The following NPEPL1 variants were observed in gnomAD, a reference collection of about 807,000 sequenced individuals.
NPEPL1 encodes aminopeptidase like 1.
NPEPL1 carries 45 observed loss-of-function variants against 52.4 expected under a neutral mutation model. The ratio of observed to expected loss-of-function variants is 0.86; its 90% CI spans 0.68 to 1.10. The LOEUF (loss-of-function observed/expected upper bound fraction) is 1.10, where lower values mean the gene tolerates loss of function less well. Ranked by LOEUF, NPEPL1 falls within the 50% of genes least tolerant of loss-of-function variation. The pLI is 0.00. For synonymous variants in NPEPL1, 360 were observed against 314.7 expected (o/e 1.14, Z -1.52); for missense variants, 696 against 710.9 (o/e 0.98, Z 0.24).
chr20:58,697,670 G>A (rs1461471500), intron 3 of NPEPL1, among the ~76,000 whole-genome samples: 5 of 152,242 alleles, frequency 3.3e-5, no homozygotes, highest in African/African-American at 7.2e-5. Context: ...GTGAGCAAGG[G>A]AGGCCGTGCA....
Position 58,714,059 on chromosome 20 carries a change from C to T in NPEPL1, c.1268C>T (p.Thr423Ile), listed in dbSNP as rs1351837183. ...YCPELHFSEF[T>I]SAVADMKNSV... ...CCCGAGCTGCACTTCAGCGAGTTCA[C>T]CTCAGCTGTGGCGGACATGAAGAAC... Residue 423 changes from threonine (T) to isoleucine (I), a missense_variant, in exon 10 of 12, where the codon ACC becomes ATC. By Grantham distance (89) the Thr-to-Ile change is moderately conservative. Transcript: ENST00000356091. 6.5e-7 allele frequency: 1 copy of T among 1,547,126 alleles called. No individual in the cohort carries two copies.
intron 7 of NPEPL1, among the ~76,000 whole-genome samples, chr20:58,707,950 C>T (rs376574280): frequency 1.2e-4 from 18 of 152,156 alleles, no homozygotes; most frequent in Non-Finnish European, 2.2e-4. Context: ...GGCGTGGTGG[C>T]GCGCACCTGT....
At chr20:58,712,785 T>C in intron 8 of NPEPL1, 2 of 673,962 alleles carry the variant, frequency 3.0e-6, no homozygotes, top group Non-Finnish European at 2.7e-6. Flanking sequence ...CTGGATGAGG[T>C]GCTAGGCTCC....
At chr20:58,691,232 G>A (rs1364175145), upstream of NPEPL1, 1 of 697,438 alleles carries the variant, frequency 1.4e-6, no homozygotes, top group South Asian at 1.5e-5. Flanking sequence ...CACACTGTTA[G>A]TACCCTTTAC....
chr20:58,691,215 C>A (rs756270736), upstream of NPEPL1: 29 of 702,564 alleles, frequency 4.1e-5, no homozygotes, highest in Non-Finnish European at 6.8e-5. Flanking sequence ...AGTGAGAGAT[C>A]TTCATACACA....
chr20:58,693,072 A>G (rs989505553), intron 1 of NPEPL1, 22 bp downstream of exon 1: 1 of 1,006,758 alleles, frequency 9.9e-7, no homozygotes, highest in Non-Finnish European at 1.2e-6. Context: ...GCCGGCCGCC[A>G]TGCGACCCGC....
At position 58,713,216 on chromosome 20, in the gene NPEPL1, A is replaced by G; in HGVS notation, c.1002-204A>G. 2 of 573,622 alleles carry G rather than the reference A, an allele frequency of 3.5e-6. No homozygotes were observed. The highest frequency in any genetic ancestry group is 6.0e-6 in the Non-Finnish European group (2 of 333,552). 35.5% of individuals were successfully genotyped at this position (573,622 alleles called of 1,614,324 possible). ...GGCTCTCCAGAGCAGCGGGGCAGGG[A>G]TGTCACCTGGAAGCCCTTTGCTCCA... On this transcript the variant is annotated intron_variant, in intron 8 of 11. Coordinates refer to ENST00000356091, the MANE Select transcript of NPEPL1 (RefSeq NM_024663.4). This position sits in a 1 kb window ranked among gnomAD's most constrained non-coding sequence, Gnocchi z 4.6.
chr20:58,694,659 CG>C, intron 3 of NPEPL1, 67 bp downstream of exon 3: 1 of 1,467,822 alleles, frequency 6.8e-7, no homozygotes, highest in Non-Finnish European at 9.1e-7. Context: ...GGAGGGAGGT[CG>C]GGAGAGGGAA....
At chr20:58,712,012 C>T (rs1355310367) in intron 7 of NPEPL1, among the ~76,000 whole-genome samples, 2 of 152,242 alleles carry the variant, frequency 1.3e-5, no homozygotes, top group African/African-American at 4.8e-5. Flanking sequence ...CTGTTGGCCA[C>T]ACATTTCTCA....
rs367649103 is a variant in NPEPL1 at position 58,709,950 on chromosome 20, C to A, written c.901-2529C>A. Among the ~76,000 whole-genome samples the A allele has an allele frequency of 9.2e-5, 14 of 152,104 alleles. No individual in the cohort carries two copies. In the South Asian group the frequency reaches 2.3e-3, roughly 25 times the overall value. ...GGTCCTGTGTTGGTGATTACTACCC[C>A]CTGCTGCCCATTGTCCCATGGCTGG... On this transcript the variant is annotated intron_variant, in intron 7 of 11. Coordinates refer to ENST00000356091, the MANE Select transcript of NPEPL1 (RefSeq NM_024663.4).
At chr20:58,712,449 A>C (rs763124949) in intron 7 of NPEPL1, 30 bp from the exon 8 acceptor site, 17 of 1,513,072 alleles carry the variant, frequency 1.1e-5, no homozygotes, top group Non-Finnish European at 1.4e-5. Context: ...ATGACCTACA[A>C]CTGGAGCCTC....
chr20:58,713,333 C>A lies in NPEPL1; in HGVS notation c.1002-87C>A. On this transcript the variant is annotated intron_variant, in intron 8 of 11. Coordinates refer to ENST00000356091, the MANE Select transcript of NPEPL1 (RefSeq NM_024663.4). This position sits in a 1 kb window ranked among gnomAD's most constrained non-coding sequence, Gnocchi z 4.6. ...GGGGAGCCACAGGGATGGGCAGCTC[C>A]AAATGGGGTCTCCCCAGTTTCAAAG... is the stretch of plus-strand genomic sequence containing the variant. 6.8e-7 allele frequency: 1 copy of A among 1,467,676 alleles called. No homozygotes were observed. The highest frequency in any genetic ancestry group is 9.1e-7 in the Non-Finnish European group (1 of 1,098,842). The allele number at this position is 1,467,676 out of a possible 1,614,324, so 90.9% of individuals were successfully genotyped here. A position where few individuals can be genotyped will look rare whatever the true frequency, so the allele number is the denominator to read the frequency against.
upstream of NPEPL1, chr20:58,692,759 C>T (rs2084378166): frequency 5.2e-6 from 5 of 952,630 alleles, no homozygotes; most frequent in Non-Finnish European, 6.2e-6. The surrounding 1 kb of genome is among the most constrained non-coding windows in gnomAD (Gnocchi z 5.7). Flanking sequence ...TCGCGAGCAG[C>T]CCGGAGCGGC....
intron 11 of NPEPL1, chr20:58,714,911 TC>T: frequency 1.6e-6 from 1 of 610,118 alleles, no homozygotes; most frequent in Non-Finnish European, 2.9e-6. Flanking sequence ...GTCTCACCCA[TC>T]CCCACCCTGA....
chr20:58,712,367 G>A, intron 7 of NPEPL1, 112 bp from the exon 8 acceptor site: 1 of 711,410 alleles, frequency 1.4e-6, no homozygotes, highest in Non-Finnish European at 2.5e-6. Context: ...CTGCAACTTG[G>A]AGCCATCTCT....
At chr20:58,706,568 G>A (rs1032805943) in intron 6 of NPEPL1, among the ~76,000 whole-genome samples, 3 of 152,200 alleles carry the variant, frequency 2.0e-5, no homozygotes, top group African/African-American at 7.2e-5. Context: ...CTAGGAATCT[G>A]CAATGGGTGC....
intron 1 of NPEPL1, 127 bp from the exon 2 acceptor site, chr20:58,693,610 G>A: frequency 1.3e-6 from 1 of 760,914 alleles, no homozygotes; most frequent in Non-Finnish European, 2.1e-6. Context: ...GGAAAACGGT[G>A]GCCGGGAGCT....
intron 3 of NPEPL1, among the ~76,000 whole-genome samples, chr20:58,698,094 G>C (rs186127574): frequency 6.6e-6 from 1 of 152,258 alleles, no homozygotes; most frequent in South Asian, 2.1e-4. Context: ...AGGGACTTGC[G>C]TGGGACTCAT....
At chr20:58,698,587 T>C in intron 3 of NPEPL1, 97 bp from the exon 4 acceptor site, 1 of 943,124 alleles carries the variant, frequency 1.1e-6, no homozygotes, top group Non-Finnish European at 1.7e-6. Flanking sequence ...GCCCTGTGGG[T>C]GATGTTTGCC....
Sources: allele counts gnomAD v4.1 joint callset (sites outside exome capture counted in the v4.1 genomes callset), GRCh38; gene constraint gnomAD v4.1.1; non-coding constraint Gnocchi (gnomAD v3.1); transcripts MANE v1.5; gene names NCBI Gene and HGNC (gene_info 2026-07-23, HGNC 2026-07-21).